Variants in PAM observed in about 807,000 individuals in gnomAD.
PAM encodes the protein peptidylglycine alpha-amidating monooxygenase, also known as peptidyl-glycine alpha-amidating monooxygenase.
PAM carries 72 observed loss-of-function variants against 122.1 expected under a neutral mutation model. The ratio of observed to expected loss-of-function variants is 0.59; its 90% confidence interval spans 0.49 to 0.72. PAM has a LOEUF of 0.72. Among genes scored for constraint, PAM ranks in the 30% least tolerant of loss-of-function variants. PAM has a pLI of 0.00. For synonymous variants in PAM, 389 were observed against 404.4 expected (o/e 0.96, Z 0.46); for missense variants, 1,106 against 1,183.7 (o/e 0.93, Z 0.96).
At chr5:102,926,159 A>G (rs1460313270) in intron 6 of PAM, among the ~76,000 whole-genome samples, 4 of 152,070 alleles carry the variant, frequency 2.6e-5, no homozygotes, top group Non-Finnish European at 5.9e-5. Context: ...CAGTGGCGCA[A>G]TCTCGGCTCA....
intron 11 of PAM, 128 bp downstream of exon 11, chr5:102,950,106 G>C (rs1292059546): frequency 9.6e-6 from 6 of 627,692 alleles, no homozygotes; most frequent in African/African-American, 7.4e-5. Flanking sequence ...CTGTATAACT[G>C]AGCTGTATAA....
chr5:102,963,232 A>G (rs889582623), intron 14 of PAM, among the ~76,000 whole-genome samples: 6 of 151,914 alleles, frequency 3.9e-5, no homozygotes, highest in African/African-American at 1.4e-4. Context: ...AATGTACCAA[A>G]TGCACATTTG....
chr5:102,858,681 T>G (rs1443818524), intron 1 of PAM, among the ~76,000 whole-genome samples: 1 of 152,230 alleles, frequency 6.6e-6, no homozygotes, highest in South Asian at 2.1e-4. Context: ...ATATTCCTGT[T>G]TTCTTCTAGT....
chr5:102,976,438 A>G (rs1333208243), intron 15 of PAM, among the ~76,000 whole-genome samples: 1 of 152,132 alleles, frequency 6.6e-6, no homozygotes, highest in African/African-American at 2.4e-5. Flanking sequence ...AGTTATTAGC[A>G]TATAAGGCCC....
intron 3 of PAM, among the ~76,000 whole-genome samples, chr5:102,882,746 T>C (rs1326305040): frequency 6.6e-6 from 1 of 152,050 alleles, no homozygotes; most frequent in Non-Finnish European, 1.5e-5. Context: ...TATTTATCTT[T>C]GTTTTTGTTG....
At chr5:103,019,648 A>G (rs77585944) in intron 22 of PAM, 142 bp from the exon 23 acceptor site, 11,446 of 645,414 alleles carry the variant, frequency 0.018, 165 homozygotes, top group Non-Finnish European at 0.022. Flanking sequence ...AGTGGTTTGT[A>G]TTGAACTCTT....
intron 1 of PAM, among the ~76,000 whole-genome samples, chr5:102,834,017 G>C (rs1304583846): frequency 6.6e-6 from 1 of 151,944 alleles, no homozygotes; most frequent in East Asian, 1.9e-4. Context: ...TAATTTTTTG[G>C]ATTTTAAAAT....
chr5:103,025,436 T>G, intron 24 of PAM, 102 bp downstream of exon 24: 1 of 912,244 alleles, frequency 1.1e-6, no homozygotes. Flanking sequence ...CTGTATTTGT[T>G]TTTTTGTTTT....
At chr5:102,764,164 TG>T (rs1181530888) in intron 1 of PAM, among the ~76,000 whole-genome samples, 3 of 152,190 alleles carry the variant, frequency 2.0e-5, no homozygotes, top group African/African-American at 7.2e-5. Flanking sequence ...CTACTCTCTG[TG>T]CCAGGCTCTA....
At chr5:102,866,979 T>C (rs989490032) in intron 2 of PAM, among the ~76,000 whole-genome samples, 1 of 152,212 alleles carries the variant, frequency 6.6e-6, no homozygotes, top group African/African-American at 2.4e-5. Flanking sequence ...TTATATGACA[T>C]AATTTTTTAT....
chr5:102,908,464 T>C (rs568504243), intron 4 of PAM, among the ~76,000 whole-genome samples: 2 of 151,574 alleles, frequency 1.3e-5, no homozygotes, highest in Non-Finnish European at 2.9e-5. Flanking sequence ...AGGCTCTTTT[T>C]TGGTTCCATA....
At chr5:102,851,629 G>A (rs1781369755) in intron 1 of PAM, among the ~76,000 whole-genome samples, 1 of 152,112 alleles carries the variant, frequency 6.6e-6, no homozygotes, top group Admixed American at 6.6e-5. Flanking sequence ...GTGAAAAGAT[G>A]AGACAATTGC....
intron 21 of PAM, among the ~76,000 whole-genome samples, chr5:103,016,794 A>G (rs1782143414): frequency 6.6e-6 from 1 of 152,242 alleles, no homozygotes; most frequent in Admixed American, 6.5e-5. Flanking sequence ...CGTATCTCTT[A>G]GTGTACATTT....
At chr5:102,924,769 CT>C (rs1229094779) in intron 5 of PAM, among the ~76,000 whole-genome samples, 187 bp from the exon 6 acceptor site, 1 of 151,544 alleles carries the variant, frequency 6.6e-6, no homozygotes, top group East Asian at 1.9e-4. Context: ...CTTTTATGTG[CT>C]TTTTTTCACA....
intron 16 of PAM, among the ~76,000 whole-genome samples, chr5:102,991,759 C>T (rs7709726): frequency 0.33 from 49,914 of 151,988 alleles, 8,414 homozygotes; most frequent in East Asian, 0.44. Context: ...CATTCATACG[C>T]CTCTGTTGCA....
chr5:102,887,762 C>A (rs1410453690), intron 3 of PAM, among the ~76,000 whole-genome samples: 1 of 151,934 alleles, frequency 6.6e-6, no homozygotes, highest in Non-Finnish European at 1.5e-5. Flanking sequence ...TCTTTGATTT[C>A]CTTGCACTTA....
chr5:102,918,254 G>T (rs1305459654), intron 5 of PAM, among the ~76,000 whole-genome samples: 2 of 152,070 alleles, frequency 1.3e-5, no homozygotes, highest in African/African-American at 4.8e-5. Flanking sequence ...CCTATCTAGG[G>T]ACCAAAAGAA....
At chr5:102,965,178 C>CACACACAA (rs1263578343) in intron 14 of PAM, among the ~76,000 whole-genome samples, 4 of 151,254 alleles carry the variant, frequency 2.6e-5, no homozygotes, top group African/African-American at 9.7e-5. Flanking sequence ...CACACACACA[C>CACACACAA]ACACACACAC....
intron 1 of PAM, among the ~76,000 whole-genome samples, chr5:102,831,719 A>G (rs1230317354): frequency 6.6e-6 from 1 of 152,180 alleles, no homozygotes; most frequent in Non-Finnish European, 1.5e-5. Flanking sequence ...ATTTCTAACA[A>G]TGATGATTAC....
Sources: allele counts gnomAD v4.1 joint callset (sites outside exome capture counted in the v4.1 genomes callset), GRCh38; gene constraint gnomAD v4.1.1; transcripts MANE v1.5; gene names NCBI Gene and HGNC (gene_info 2026-07-23, HGNC 2026-07-21).